STRBP: variants seen among roughly 807,000 people sequenced by gnomAD.
The protein encoded by STRBP is spermatid perinuclear RNA-binding protein.
In STRBP, 13 loss-of-function variants were observed where a neutral mutation model predicts 80.1. The observed-to-expected ratio is 0.16, with a 90% confidence interval of 0.11 to 0.26. STRBP has a LOEUF of 0.26. Among genes scored for constraint, STRBP ranks in the 10% least tolerant of loss-of-function variants. STRBP has a pLI of 1.00. For synonymous variants in STRBP, 284 were observed against 291.2 expected (o/e 0.98, Z 0.25); for missense variants, 485 against 815.2 (o/e 0.59, Z 4.93).
chr9:123,175,470 A>T (rs2132440687), intron 4 of STRBP, among the ~76,000 whole-genome samples: 1 of 152,358 alleles, frequency 6.6e-6, no homozygotes. Flanking sequence ...TAAATAATCC[A>T]GCCATGGGTT....
intron 2 of STRBP, among the ~76,000 whole-genome samples, chr9:123,213,134 T>C (rs371163607): frequency 1.3e-5 from 2 of 152,232 alleles, no homozygotes; most frequent in East Asian, 1.9e-4. Context: ...AAGGTTCATT[T>C]ACTAACAGTC....
Position 123,146,916 on chromosome 9 carries a change from C to T in STRBP, c.1277G>A (p.Gly426Asp). ...PVFTMSVDVD[G>D]TTYEASGPSK... ...TGGTCCTGAGGCTTCATATGTTGTG[C>T]CATCCACATCTACAGACATTGTGAA... The change falls in exon 13 of 19, where the codon GGC (glycine) becomes GAC (aspartate). Residue 426 changes from glycine (G) to aspartate (D), a missense_variant. By Grantham distance (94) the Gly-to-Asp change is moderately conservative. Around this residue, in one of 3 missense-constraint regions of STRBP, gnomAD observed 377 missense variants for 616.1 expected, o/e 0.61. Transcript: ENST00000348403. The T allele has an allele frequency of 1.2e-6, 2 of 1,613,994 alleles. No individual in the cohort carries two copies. Among genetic ancestry groups the T allele is most frequent in the Non-Finnish European group, 1.7e-6 (2 of 1,179,996 alleles).
At chr9:123,238,537 G>T (rs772362155) in intron 1 of STRBP, among the ~76,000 whole-genome samples, 12 of 152,186 alleles carry the variant, frequency 7.9e-5, no homozygotes, top group Non-Finnish European at 1.8e-4. Context: ...CCATTATAGT[G>T]ACTAAGAGAG....
At chr9:123,109,788 A>G (rs759933465) in intron 3 of STRBP, 2 of 152,164 alleles carry the variant, frequency 1.3e-5, no homozygotes, top group Non-Finnish European at 2.9e-5. Context: ...TACATGTAAT[A>G]ATTGCCTCAG....
intron 7 of STRBP, 28 bp from the exon 8 acceptor site, chr9:123,160,490 T>G: frequency 6.5e-7 from 1 of 1,548,012 alleles, no homozygotes; most frequent in Non-Finnish European, 8.8e-7. Flanking sequence ...ATTCCAGATA[T>G]CCCTATTGAG....
intron 11 of STRBP, among the ~76,000 whole-genome samples, chr9:123,148,154 C>T (rs2036900124): frequency 6.6e-6 from 1 of 152,140 alleles, no homozygotes; most frequent in Non-Finnish European, 1.5e-5. Flanking sequence ...TGTGTCCCCC[C>T]AAAATTCATA....
chr9:123,180,903 T>C lies in STRBP; in HGVS notation c.4-1676A>G, dbSNP rs1399442843. ...ATGTTAGTACATGGTAAATATTTTGTTTTGAAGTCCATCGCAAACTAAAAC... is the reference window on the plus strand; with the variant it reads ...ATGTTAGTACATGGTAAATATTTTGCTTTGAAGTCCATCGCAAACTAAAAC... On this transcript the variant is annotated intron_variant, in intron 3 of 18. Coordinates refer to ENST00000348403, the MANE Select transcript of STRBP (RefSeq NM_018387.5). The C allele has an allele frequency of 5.1e-6, 5 of 983,624 alleles. No individual in the cohort carries two copies. The South Asian group carries it at 1.4e-4, about 28-fold the overall frequency. 60.9% of individuals were successfully genotyped at this position (983,624 alleles called of 1,614,324 possible). A position where few individuals can be genotyped will look rare whatever the true frequency, so the allele number is the denominator to read the frequency against.
chr9:123,160,411 C>T lies in STRBP; in HGVS notation c.679G>A (p.Asp227Asn), dbSNP rs2037474459. ...CATGTGGGGACTCTGTTGCACAAAT[C>T]ACGCAGAATGCGGAGGACAATTACA... ...SCVIVLRILRDLCNRVPTWAP... is the reference protein window; with the variant it reads ...SCVIVLRILRNLCNRVPTWAP... Residue 227 changes from aspartate to asparagine, a missense_variant, in exon 8 of 19, where the codon GAT becomes AAT. Around this residue, in one of 3 missense-constraint regions of STRBP, gnomAD observed 377 missense variants for 616.1 expected, o/e 0.61. Coordinates refer to ENST00000348403, the MANE Select transcript of STRBP (RefSeq NM_018387.5). 3.7e-6 allele frequency: 6 copies of T among 1,605,796 alleles called. No individual in the cohort carries two copies. Among genetic ancestry groups the T allele is most frequent in the South Asian group, 3.3e-5 (3 of 90,018 alleles).
At chr9:123,119,851 C>T (rs968838028), downstream of STRBP, among the ~76,000 whole-genome samples, 3 of 152,186 alleles carry the variant, frequency 2.0e-5, no homozygotes, top group Non-Finnish European at 4.4e-5. Context: ...GGCCCAGATT[C>T]CCGCATGGTT....
intron 3 of STRBP, among the ~76,000 whole-genome samples, 193 bp downstream of exon 3, chr9:123,183,939 A>G (rs2132466457): frequency 6.6e-6 from 1 of 152,298 alleles, no homozygotes; most frequent in South Asian, 2.1e-4. Flanking sequence ...ATGAGGCCCT[A>G]CCTTGTGGTT....
rs2036362508 is a variant in STRBP at position 123,136,591 on chromosome 9, G to A, written c.1498-76C>T. 2 of 1,521,612 alleles carry A rather than the reference G, an allele frequency of 1.3e-6. No homozygotes were observed. The highest frequency in any genetic ancestry group is 1.8e-6 in the Non-Finnish European group (2 of 1,134,870). The allele number at this position is 1,521,612 out of a possible 1,614,324, so 94.3% of individuals were successfully genotyped here. On this transcript the variant is annotated intron_variant, in intron 14 of 18. Transcript: ENST00000348403. The surrounding 1 kb of genome is among the most constrained non-coding windows in gnomAD (Gnocchi z 4.2). ...TTACATTTCTTATTAATACAATTAT[G>A]CTAAGAAGGAGGCTCAAAAATTCTA...
chr9:123,220,923 T>G (rs759741826), intron 2 of STRBP, among the ~76,000 whole-genome samples: 43 of 152,036 alleles, frequency 2.8e-4, no homozygotes, highest in African/African-American at 8.2e-4. Flanking sequence ...GCTCCAAAAT[T>G]TATATTATTT....
chr9:123,195,434 A>G (rs544160604), intron 2 of STRBP, among the ~76,000 whole-genome samples: 2 of 152,350 alleles, frequency 1.3e-5, no homozygotes, highest in South Asian at 2.1e-4. Context: ...ATATGATCTC[A>G]TATTTGCAAA....
chr9:123,253,664 C>T (rs758880689), intron 1 of STRBP, among the ~76,000 whole-genome samples: 26 of 152,318 alleles, frequency 1.7e-4, no homozygotes, highest in Middle Eastern at 3.4e-3. Flanking sequence ...ATATGCACAA[C>T]GCATGCCTGC....
At chr9:123,227,867 C>A (rs2040288645) in intron 2 of STRBP, among the ~76,000 whole-genome samples, 1 of 152,086 alleles carries the variant, frequency 6.6e-6, no homozygotes, top group Admixed American at 6.6e-5. Flanking sequence ...CCTGATCTGA[C>A]ATATTTCTAA....
At chr9:123,249,924 G>C (rs1242549012) in intron 1 of STRBP, among the ~76,000 whole-genome samples, 1 of 152,152 alleles carries the variant, frequency 6.6e-6, no homozygotes, top group Non-Finnish European at 1.5e-5. Context: ...CATGAAATAG[G>C]TCACATTTGG....
chr9:123,193,121 T>A (rs765232927), intron 2 of STRBP, among the ~76,000 whole-genome samples: 2 of 152,192 alleles, frequency 1.3e-5, no homozygotes, highest in African/African-American at 4.8e-5. Context: ...ACCTAATACT[T>A]CAGTTTATAT....
chr9:123,124,743 T>C lies in STRBP; in HGVS notation c.*854A>G. On this transcript the variant is annotated 3_prime_UTR_variant, in exon 19 of 19. Transcript: ENST00000348403. ...TGATTAATTTATTATTTTTAAAAAC[T>C]TGGAAATTCATAAACTAGGATAATC... The C allele has an allele frequency of 1.0e-6, 1 of 985,428 alleles. No homozygotes were observed. Among genetic ancestry groups the C allele is most frequent in the Non-Finnish European group, 1.2e-6 (1 of 829,928 alleles). 61.0% of individuals were successfully genotyped at this position (985,428 alleles called of 1,614,324 possible). A position where few individuals can be genotyped will look rare whatever the true frequency, so the allele number is the denominator to read the frequency against.
chr9:123,229,065 G>A (rs2040325403), intron 2 of STRBP, among the ~76,000 whole-genome samples: 1 of 152,118 alleles, frequency 6.6e-6, no homozygotes, highest in African/African-American at 2.4e-5. Context: ...TTATGCTAAG[G>A]GAAAGAAGCT....
Sources: gnomAD v4.1 joint callset for allele counts (sites outside exome capture counted in the v4.1 genomes callset) on GRCh38, gnomAD v4.1.1 for gene constraint, gnomAD v4.1.1 regional missense constraint, Gnocchi (gnomAD v3.1) non-coding constraint, MANE v1.5 for transcripts, NCBI Gene and HGNC (gene_info 2026-07-23, HGNC 2026-07-21) for gene names.